Variants in LPA observed in about 807,000 individuals in gnomAD.
LPA encodes apolipoprotein(a).
In LPA, 199 loss-of-function variants were observed where a neutral mutation model predicts 197.9. The observed-to-expected ratio is 1.01, with a 90% CI of 0.90 to 1.13. The LOEUF (loss-of-function observed/expected upper bound fraction) is 1.13. LPA is among the 50% of genes most tolerant of loss of function. The pLI, the probability that LPA is intolerant of heterozygous loss-of-function variation, is 0.00. For synonymous variants in LPA, 715 were observed against 639.5 expected (o/e 1.12, Z -1.78); for missense variants, 1,853 against 1,785.8 (o/e 1.04, Z -0.68).
chr6:160,535,846 A>T (rs1777886677), intron 37 of LPA, among the ~76,000 whole-genome samples: 1 of 152,170 alleles, frequency 6.6e-6, no homozygotes, highest in Non-Finnish European at 1.5e-5. Flanking sequence ...GGAGAGCCAG[A>T]ACTCACACCC....
intron 32 of LPA, 135 bp downstream of exon 32, chr6:160,547,654 T>C: frequency 2.5e-6 from 3 of 1,196,784 alleles, no homozygotes; most frequent in Non-Finnish European, 3.7e-6. Flanking sequence ...TGCTGGCCTG[T>C]GCTGCTTGCA....
intron 2 of LPA, among the ~76,000 whole-genome samples, chr6:160,647,694 C>T (rs916231999): frequency 6.6e-6 from 1 of 152,192 alleles, no homozygotes; most frequent in African/African-American, 2.4e-5. Flanking sequence ...ATTAGTATTA[C>T]ATACTATCGT....
intron 33 of LPA, 115 bp from the exon 34 acceptor site, chr6:160,542,923 T>G: frequency 7.0e-7 from 1 of 1,436,646 alleles, no homozygotes; most frequent in Non-Finnish European, 9.7e-7. Flanking sequence ...TGAAATTAAA[T>G]GGTAAAATCA....
chr6:160,595,592 T>C, intron 20 of LPA, 57 bp from the exon 21 acceptor site: 1 of 1,611,404 alleles, frequency 6.2e-7, no homozygotes, highest in Non-Finnish European at 8.5e-7. Flanking sequence ...CAAGGGCACT[T>C]AGCGCCCTCT....
intron 16 of LPA, among the ~76,000 whole-genome samples, chr6:160,610,569 A>T (rs1245395019): frequency 6.6e-6 from 1 of 152,048 alleles, no homozygotes; most frequent in African/African-American, 2.4e-5. Context: ...TTTCTGTAGA[A>T]CCATTTTCTG....
intron 28 of LPA, among the ~76,000 whole-genome samples, chr6:160,563,205 G>A (rs1354312139): frequency 6.6e-6 from 1 of 152,132 alleles, no homozygotes; most frequent in Non-Finnish European, 1.5e-5. Context: ...TGGGCATTTA[G>A]TGCTATAAAT....
chr6:160,547,989 A>T (rs752793579), intron 31 of LPA, 52 bp from the exon 32 acceptor site: 3 of 1,587,892 alleles, frequency 1.9e-6, no homozygotes, highest in South Asian at 2.2e-5. Context: ...CCAGGCAGCC[A>T]CATAGACCCA....
chr6:160,653,587 T>C (rs1780044080), intron 1 of LPA, among the ~76,000 whole-genome samples: 1 of 151,856 alleles, frequency 6.6e-6, no homozygotes, highest in African/African-American at 2.4e-5. Context: ...CTAGCCAAAG[T>C]ATACCAGTCA....
At chr6:160,592,335 C>G (rs1368583659) in intron 22 of LPA, among the ~76,000 whole-genome samples, 3 of 152,170 alleles carry the variant, frequency 2.0e-5, no homozygotes, top group Admixed American at 2.0e-4. Flanking sequence ...ATAAGGCCAT[C>G]CAGTGAATTC....
At position 160,531,732 on chromosome 6, in the gene LPA, A is replaced by G; in HGVS notation, c.6120T>C (p.Asn2040=). ...VTWIEGMMRN[N] Reference sequence around the variant, plus strand: ...CTTCACTCTGTCTCCCGTCCAATTAATTATTTCTCATCATTCCCTCAATCC... The same window carrying G: ...CTTCACTCTGTCTCCCGTCCAATTAGTTATTTCTCATCATTCCCTCAATCC... The change falls in exon 39 of 39, where the codon AAT becomes AAC. Residue 2040 remains asparagine (N), a synonymous_variant. Transcript: ENST00000316300. 6.2e-7 allele frequency: 1 copy of G among 1,614,032 alleles called. No homozygotes were observed. The highest frequency in any genetic ancestry group is 1.1e-5 in the South Asian group (1 of 91,078).
intron 20 of LPA, among the ~76,000 whole-genome samples, chr6:160,599,071 C>T (rs771825001): frequency 2.6e-5 from 4 of 152,296 alleles, no homozygotes; most frequent in South Asian, 2.1e-4. Flanking sequence ...CAGCCAGGCA[C>T]GGTGGCTCAC....
At position 160,606,583 on chromosome 6, in the gene LPA, G is replaced by A. The variant is rs1367311178; in HGVS notation, c.2679C>T (p.Val893=). ...APYCYTRDPS[V]RWEYCNLTQC... is the part of the protein sequence containing the mutation. ...GTGTCAGGTTGCAGTACTCCCACCT[G>A]ACACTGGGATCCCTCGTATAACAAT... The change falls in exon 17 of 39, where the codon GTC becomes GTT. Residue 893 remains valine (V), a synonymous_variant. Coordinates refer to ENST00000316300, the MANE Select transcript of LPA (RefSeq NM_005577.4). The A allele has an allele frequency of 1.2e-6, 2 of 1,613,798 alleles. No individual in the cohort carries two copies. Among genetic ancestry groups the A allele is most frequent in the African/African-American group, 1.3e-5 (1 of 74,888 alleles).
intron 17 of LPA, among the ~76,000 whole-genome samples, chr6:160,606,266 C>A (rs1779347943): frequency 6.6e-6 from 1 of 152,150 alleles, no homozygotes; most frequent in Non-Finnish European, 1.5e-5. Flanking sequence ...AGGGTTTGTG[C>A]CAATTCTAAA....
chr6:160,608,163 G>A (rs1218904546), intron 16 of LPA, among the ~76,000 whole-genome samples: 3 of 152,126 alleles, frequency 2.0e-5, no homozygotes, highest in African/African-American at 7.2e-5. Context: ...CAATTGCTGG[G>A]TTCTTCATTA....
intron 28 of LPA, among the ~76,000 whole-genome samples, chr6:160,559,406 T>G (rs766037316): frequency 3.9e-5 from 6 of 152,252 alleles, no homozygotes; most frequent in Non-Finnish European, 7.3e-5. Context: ...TATTTTTTCA[T>G]TTTGTTATTG....
intron 22 of LPA, 135 bp from the exon 23 acceptor site, chr6:160,591,236 C>T: frequency 1.8e-6 from 2 of 1,113,798 alleles, no homozygotes; most frequent in South Asian, 1.4e-5. Flanking sequence ...CTGTAACAAT[C>T]ACAAATCGTC....
intron 28 of LPA, among the ~76,000 whole-genome samples, chr6:160,557,922 ATTT>A (rs35457795): frequency 1.4e-5 from 2 of 143,574 alleles, no homozygotes; most frequent in Non-Finnish European, 3.1e-5. Context: ...TGCATTTTAG[ATTT>A]TTTTTTTTTT....
At chr6:160,585,465 A>G (rs752026287) in intron 25 of LPA, among the ~76,000 whole-genome samples, 3 of 152,184 alleles carry the variant, frequency 2.0e-5, no homozygotes, top group Non-Finnish European at 4.4e-5. Context: ...GAGTGCCTAT[A>G]CTTCAAAATT....
At chr6:160,553,970 T>TGC (rs1164570290) in intron 30 of LPA, among the ~76,000 whole-genome samples, 21 of 127,348 alleles carry the variant, frequency 1.6e-4, no homozygotes, top group Admixed American at 1.1e-3. Flanking sequence ...CGCGCGCGTG[T>TGC]GCGTGTGTGT....
Sources: allele counts gnomAD v4.1 joint callset (sites outside exome capture counted in the v4.1 genomes callset), GRCh38; gene constraint gnomAD v4.1.1; transcripts MANE v1.5; gene names NCBI Gene and HGNC (gene_info 2026-07-23, HGNC 2026-07-21).